CATSPERE: variants seen among roughly 807,000 people sequenced by gnomAD.
CATSPERE encodes cation channel sperm-associated auxiliary subunit epsilon.
A neutral mutation model predicts 114.1 loss-of-function variants in CATSPERE; 93 were observed. That is an observed-to-expected ratio of 0.81 (90% CI 0.69 to 0.97). The LOEUF is 0.97. CATSPERE is among the 50% of genes least tolerant of loss of function. The pLI is 0.00. For missense variants in CATSPERE, 1,058 were observed against 1,131.6 expected (o/e 0.93, Z 0.93); for synonymous variants, 341 against 384.1 (o/e 0.89, Z 1.31).
rs115221800 is a variant in CATSPERE at position 244,475,854 on chromosome 1, T to C, written c.115-1687T>C. 4.5e-3 allele frequency among the ~76,000 whole-genome samples: 684 copies of C among 152,310 alleles called. 3 individuals carry two copies. Among genetic ancestry groups the C allele is most frequent in the Non-Finnish European group, 6.6e-3 (452 of 68,030 alleles). On this transcript the variant is annotated intron_variant, in intron 2 of 21. Transcript: ENST00000366534. ...CCGGCCATACCACAAATTTTTATAA[T>C]ATTAAATGCTTTTACTGTTTATTCA...
chr1:244,583,335 T>A (rs908443676), intron 12 of CATSPERE, among the ~76,000 whole-genome samples: 1 of 152,182 alleles, frequency 6.6e-6, no homozygotes, highest in Non-Finnish European at 1.5e-5. Context: ...CACTTCATAG[T>A]GGAGAAAGGC....
At position 244,584,868 on chromosome 1, in the gene CATSPERE, G is replaced by A. The variant is rs562894552; in HGVS notation, c.2085+929G>A. On this transcript the variant is annotated intron_variant, in intron 13 of 21. Coordinates refer to ENST00000366534, the MANE Select transcript of CATSPERE (RefSeq NM_001130957.2). The stretch of plus-strand genomic sequence containing the variant: ...ACACACGCTGCTTCCCCAGGAAATC[G>A]CCTGCAGGTGCACACCAACAACTCC... Among the ~76,000 whole-genome samples the A allele has an allele frequency of 4.6e-5, 7 of 152,214 alleles. No individual in the cohort carries two copies. The South Asian group carries it at 1.0e-3, about 23-fold the overall frequency.
At chr1:244,495,202 C>T (rs888026803) in intron 6 of CATSPERE, among the ~76,000 whole-genome samples, 1 of 152,100 alleles carries the variant, frequency 6.6e-6, no homozygotes, top group African/African-American at 2.4e-5. Context: ...TTAAGGAACT[C>T]AAAGCCAGAG....
Position 244,572,815 on chromosome 1 carries a change from A to T in CATSPERE, c.1950+43A>T, listed in dbSNP as rs540107065. 1.0e-5 allele frequency: 13 copies of T among 1,279,390 alleles called. No individual in the cohort carries two copies. The Admixed American group carries it at 2.1e-4, about 20-fold the overall frequency. 79.3% of individuals were successfully genotyped at this position (1,279,390 alleles called of 1,614,324 possible). A position where few individuals can be genotyped will look rare whatever the true frequency, so the allele number is the denominator to read the frequency against. ...ATTTCTTCATTTGATTTTAATAAGT[A>T]TAAAAGTATAATATTAACATTTTTG... On this transcript the variant is annotated intron_variant, in intron 11 of 21. Transcript: ENST00000366534.
chr1:244,605,880 G>A, intron 18 of CATSPERE, 86 bp downstream of exon 18: 2 of 911,088 alleles, frequency 2.2e-6, no homozygotes, highest in East Asian at 2.7e-5. Flanking sequence ...GCGATCTAAG[G>A]AAAATAGAAT....
intron 9 of CATSPERE, among the ~76,000 whole-genome samples, chr1:244,558,480 C>A (rs988272081): frequency 9.2e-5 from 14 of 152,110 alleles, no homozygotes; most frequent in African/African-American, 3.4e-4. Flanking sequence ...CATCTCTTCA[C>A]TATGTTGCCC....
chr1:244,478,781 C>G (rs1010346446), intron 4 of CATSPERE, among the ~76,000 whole-genome samples: 1 of 152,042 alleles, frequency 6.6e-6, no homozygotes, highest in African/African-American at 2.4e-5. Context: ...CGCCTGTGAT[C>G]CCAGCACTTT....
At chr1:244,476,644 T>C (rs1161838097) in intron 2 of CATSPERE, among the ~76,000 whole-genome samples, 1 of 152,218 alleles carries the variant, frequency 6.6e-6, no homozygotes, top group Non-Finnish European at 1.5e-5. Flanking sequence ...TATGTATGTG[T>C]ATATAATTTT....
chr1:244,499,081 T>C lies in CATSPERE; in HGVS notation c.429+2T>C. Reference sequence around the variant, plus strand: ...GGGAATGCAGAAGAACCTTCAATAGTAGGTGGAAACATTAGTATCGTCATA... The same window carrying C: ...GGGAATGCAGAAGAACCTTCAATAGCAGGTGGAAACATTAGTATCGTCATA... On this transcript the variant is annotated splice_donor_variant, in intron 7 of 21. Coordinates refer to ENST00000366534, the MANE Select transcript of CATSPERE (RefSeq NM_001130957.2). LOFTEE classifies it high-confidence loss of function. 1 of 1,601,506 alleles carries C rather than the reference T, an allele frequency of 6.2e-7. No homozygotes were observed. Among genetic ancestry groups the C allele is most frequent in the Non-Finnish European group, 8.6e-7 (1 of 1,168,970 alleles).
At chr1:244,562,736 TTTTA>T (rs918749569) in intron 10 of CATSPERE, among the ~76,000 whole-genome samples, 21 of 152,316 alleles carry the variant, frequency 1.4e-4, no homozygotes, top group South Asian at 6.2e-4. Context: ...CTGTTTTATT[TTTTA>T]TTTGTTTATT....
At chr1:244,588,616 T>C (rs775697474) in intron 14 of CATSPERE, 82 bp downstream of exon 14, 6 of 1,037,858 alleles carry the variant, frequency 5.8e-6, no homozygotes, top group Non-Finnish European at 9.1e-6. Flanking sequence ...CTAGTGATAA[T>C]AGCCTAATGA....
At position 244,633,856 on chromosome 1, in the gene CATSPERE, A is replaced by G. The variant is rs1674283478; in HGVS notation, c.2649-1633A>G. On this transcript the variant is annotated intron_variant, in intron 20 of 21. Coordinates refer to ENST00000366534, the MANE Select transcript of CATSPERE (RefSeq NM_001130957.2). The surrounding 1 kb of genome is among the most constrained non-coding windows in gnomAD (Gnocchi z 4.1). ...GTGAAAATTCCTGTGACAGGTGTCT[A>G]CATCACTCATTTTTTTTTTTTTTTT... is the stretch of plus-strand genomic sequence containing the variant. Among the ~76,000 whole-genome samples, 1 of 149,388 alleles carries G rather than the reference A, an allele frequency of 6.7e-6. No homozygotes were observed. Among genetic ancestry groups the G allele is most frequent in the Admixed American group, 6.7e-5 (1 of 14,948 alleles).
At chr1:244,556,911 A>G (rs1368345326) in intron 9 of CATSPERE, among the ~76,000 whole-genome samples, 2 of 148,880 alleles carry the variant, frequency 1.3e-5, no homozygotes, top group Non-Finnish European at 2.9e-5. Context: ...TTTATTAATT[A>G]CAGCATAAAA....
intron 7 of CATSPERE, among the ~76,000 whole-genome samples, chr1:244,500,813 G>A (rs747531916): frequency 2.6e-5 from 4 of 152,154 alleles, no homozygotes; most frequent in East Asian, 1.9e-4. Flanking sequence ...GCTTAGGATC[G>A]TCTTGGCTAT....
chr1:244,632,162 G>A lies in CATSPERE; in HGVS notation c.2649-3327G>A, dbSNP rs966130847. ...TGTAATCCCAGCACTTTGGGAGGCC[G>A]AGGTGGGCAGATCATGAGGTCAGGA... On this transcript the variant is annotated intron_variant, in intron 20 of 21. Coordinates refer to ENST00000366534, the MANE Select transcript of CATSPERE (RefSeq NM_001130957.2). Among the ~76,000 whole-genome samples the A allele has an allele frequency of 3.3e-5, 5 of 152,190 alleles. No homozygotes were observed. The East Asian group carries it at 5.8e-4, about 18-fold the overall frequency.
At chr1:244,491,891 C>T (rs1013755492) in intron 6 of CATSPERE, among the ~76,000 whole-genome samples, 1 of 152,086 alleles carries the variant, frequency 6.6e-6, no homozygotes, top group Non-Finnish European at 1.5e-5. Flanking sequence ...AAGACTAAAC[C>T]AGGAAGAAGT....
At chr1:244,532,514 TATC>T (rs1679772017) in intron 8 of CATSPERE, among the ~76,000 whole-genome samples, 1 of 152,150 alleles carries the variant, frequency 6.6e-6, no homozygotes, top group African/African-American at 2.4e-5. Flanking sequence ...ATGTTTCTCT[TATC>T]ATTTGGTTCA....
chr1:244,491,371 A>C (rs1230357787), intron 6 of CATSPERE, among the ~76,000 whole-genome samples: 6 of 152,174 alleles, frequency 3.9e-5, no homozygotes, highest in African/African-American at 9.7e-5. Context: ...ATGAAGGCAG[A>C]AATAAAGATG....
chr1:244,477,977 T>A lies in CATSPERE; in HGVS notation c.258+2T>A, dbSNP rs1669634871. 2 of 1,574,934 alleles carry A rather than the reference T, an allele frequency of 1.3e-6. No individual in the cohort carries two copies. Among genetic ancestry groups the A allele is most frequent in the Non-Finnish European group, 1.7e-6 (2 of 1,146,530 alleles). On this transcript the variant is annotated splice_donor_variant, in intron 4 of 21. Coordinates refer to ENST00000366534, the MANE Select transcript of CATSPERE (RefSeq NM_001130957.2). LOFTEE classifies it high-confidence loss of function. Reference sequence around the variant, plus strand: ...ATAAAACCAATTGTTACTGGCCCAGTAAGTTGTTTTAATGATATGTTATTA... The same window carrying A: ...ATAAAACCAATTGTTACTGGCCCAGAAAGTTGTTTTAATGATATGTTATTA...
Sources: gnomAD v4.1 joint callset for allele counts (sites outside exome capture counted in the v4.1 genomes callset) on GRCh38, gnomAD v4.1.1 for gene constraint, Gnocchi (gnomAD v3.1) non-coding constraint, MANE v1.5 for transcripts, NCBI Gene and HGNC (gene_info 2026-07-23, HGNC 2026-07-21) for gene names.